TOX2: variants seen among roughly 807,000 people sequenced by gnomAD.
TOX2 encodes granulosa cell HMG box 1.
In TOX2, 15 loss-of-function variants were observed where a neutral mutation model predicts 47.4. The ratio of observed to expected loss-of-function variants is 0.32; its 90% CI spans 0.21 to 0.49. TOX2 has a LOEUF of 0.49. Ranked by LOEUF, TOX2 falls within the 20% of genes least tolerant of loss-of-function variation. The pLI is 0.99. For missense variants in TOX2, 622 were observed against 673.1 expected (o/e 0.92, Z 0.84); for synonymous variants, 290 against 296.6 (o/e 0.98, Z 0.23).
rs140659767 is a variant in TOX2 at position 43,923,856 on chromosome 20, C to T, written c.99+8866C>T. On this transcript the variant is annotated intron_variant, in intron 1 of 8. Transcript: ENST00000341197. ...GACACAGGAGGAAACGTGCTTGGGCCGGGGAGAAGCTGGCCTGGCCTGACC... is the reference window on the plus strand; with the variant it reads ...GACACAGGAGGAAACGTGCTTGGGCTGGGGAGAAGCTGGCCTGGCCTGACC... Among the ~76,000 whole-genome samples, 824 of 152,220 alleles carry T rather than the reference C, an allele frequency of 5.4e-3. 6 individuals are homozygous for T. Among genetic ancestry groups the T allele is most frequent in the Non-Finnish European group, 7.9e-3 (540 of 67,998 alleles).
At chr20:44,026,502 C>G (rs868245009) in intron 3 of TOX2, among the ~76,000 whole-genome samples, 170 of 151,568 alleles carry the variant, frequency 1.1e-3, no homozygotes, top group African/African-American at 3.8e-3. Context: ...AGATAAACAG[C>G]ATATTTTGAA....
At chr20:43,985,840 G>C (rs1411446351) in intron 2 of TOX2, among the ~76,000 whole-genome samples, 2 of 152,116 alleles carry the variant, frequency 1.3e-5, no homozygotes, top group African/African-American at 4.8e-5. Flanking sequence ...AGGGTGCTTA[G>C]AGCAGAGTGA....
At chr20:44,039,780 C>T (rs1416652160) in intron 3 of TOX2, among the ~76,000 whole-genome samples, 5 of 152,152 alleles carry the variant, frequency 3.3e-5, no homozygotes, top group Admixed American at 6.5e-5. Context: ...GAGAGGAAGT[C>T]GAGGTTTCAT....
At chr20:43,964,108 A>C (rs373968989) in intron 1 of TOX2, among the ~76,000 whole-genome samples, 5 of 152,058 alleles carry the variant, frequency 3.3e-5, no homozygotes, top group East Asian at 3.8e-4. Flanking sequence ...AAAAAAAAAA[A>C]AACCAACAGC....
At chr20:44,067,217 A>G (rs751722359) in intron 8 of TOX2, among the ~76,000 whole-genome samples, 4 of 150,970 alleles carry the variant, frequency 2.6e-5, no homozygotes, top group Non-Finnish European at 5.9e-5. Flanking sequence ...GCCTTTGGGG[A>G]TGCACTGGGG....
At position 44,069,100 on chromosome 20, in the gene TOX2, A is replaced by G. The variant is rs946202192; in HGVS notation, c.*414A>G. ...GCCGGCCCCCGGCATAGATGTGCACATCGGTTTTCCAGTGTGAACAAAAGA... is the reference window on the plus strand; with the variant it reads ...GCCGGCCCCCGGCATAGATGTGCACGTCGGTTTTCCAGTGTGAACAAAAGA... On this transcript the variant is annotated 3_prime_UTR_variant, in exon 9 of 9. Transcript: ENST00000341197. 1.4e-5 allele frequency: 5 copies of G among 368,908 alleles called. No homozygotes were observed. Among genetic ancestry groups the G allele is most frequent in the African/African-American group, 4.2e-5 (2 of 47,326 alleles). The allele number at this position is 368,908 out of a possible 1,614,324, so 22.9% of individuals were successfully genotyped here.
At chr20:44,064,195 C>A (rs546211120) in intron 5 of TOX2, among the ~76,000 whole-genome samples, 137 of 152,292 alleles carry the variant, frequency 9.0e-4, no homozygotes, top group Non-Finnish European at 1.1e-3. Flanking sequence ...TCTCTGCATG[C>A]ATCACATTTG....
intron 1 of TOX2, among the ~76,000 whole-genome samples, chr20:43,958,042 C>T (rs1449400565): frequency 6.6e-6 from 1 of 152,216 alleles, no homozygotes; most frequent in African/African-American, 2.4e-5. Flanking sequence ...AGAGCTAAAT[C>T]ATATCAGCCT....
intron 3 of TOX2, among the ~76,000 whole-genome samples, chr20:44,018,794 C>T (rs552893437): frequency 4.6e-5 from 7 of 152,282 alleles, no homozygotes; most frequent in South Asian, 2.1e-4. Flanking sequence ...AGGACAAGCG[C>T]GCCCCATCAG....
intron 8 of TOX2, among the ~76,000 whole-genome samples, chr20:44,067,957 A>T (rs1350260341): frequency 2.6e-5 from 4 of 152,268 alleles, no homozygotes; most frequent in African/African-American, 9.6e-5. Context: ...CCCCAGCCCT[A>T]GCCTCGGCCT....
intron 1 of TOX2, among the ~76,000 whole-genome samples, chr20:43,964,655 T>A (rs1233310097): frequency 6.6e-6 from 1 of 152,152 alleles, no homozygotes; most frequent in Non-Finnish European, 1.5e-5. Context: ...GTACCTGGGA[T>A]CAAGGCCAAG....
chr20:43,976,782 G>GCA (rs11086916), intron 2 of TOX2, among the ~76,000 whole-genome samples: 12,751 of 146,456 alleles, frequency 0.087, 686 homozygotes, highest in African/African-American at 0.17. Context: ...GAGCGCGCGC[G>GCA]CACACACACA....
At chr20:43,950,015 C>G (rs1195339783) in intron 1 of TOX2, among the ~76,000 whole-genome samples, 1 of 125,166 alleles carries the variant, frequency 8.0e-6, no homozygotes, top group African/African-American at 3.1e-5. Flanking sequence ...TGACCTTGGA[C>G]AAGCCACCTA....
At chr20:43,932,324 A>T (rs2069262129) in intron 1 of TOX2, among the ~76,000 whole-genome samples, 1 of 152,120 alleles carries the variant, frequency 6.6e-6, no homozygotes, top group African/African-American at 2.4e-5. Flanking sequence ...AGGGTCTAGC[A>T]TGTGGACCCT....
In TOX2 at chr20:44,054,352, G is replaced by A. The variant is rs766856606; in HGVS notation, c.705G>A (p.Pro235=). 2.5e-5 allele frequency: 41 copies of A among 1,611,660 alleles called. 1 individual carries two copies. Among genetic ancestry groups the A allele is most frequent in the South Asian group, 1.1e-4 (10 of 90,820 alleles). ...ACCCAGGAAAAAAGGCCAAGAACCCGAAGAAGAAGAAAAAGAAGGACCCCA... is the reference window on the plus strand; with the variant it reads ...ACCCAGGAAAAAAGGCCAAGAACCCAAAGAAGAAGAAAAAGAAGGACCCCA... ...SADPGKKAKN[P]KKKKKKDPNE... is the part of the protein sequence containing the mutation. Residue 235 remains proline, a synonymous_variant, in exon 5 of 9, where the codon CCG becomes CCA. Coordinates refer to ENST00000341197, the MANE Select transcript of TOX2 (RefSeq NM_001098797.2).
At chr20:43,951,030 G>A (rs570730535) in intron 1 of TOX2, among the ~76,000 whole-genome samples, 24 of 152,166 alleles carry the variant, frequency 1.6e-4, no homozygotes, top group African/African-American at 4.3e-4. Flanking sequence ...ATGGGCTCAC[G>A]TAGTCATTAA....
At chr20:44,000,303 G>T (rs544139123) in intron 2 of TOX2, among the ~76,000 whole-genome samples, 1 of 152,310 alleles carries the variant, frequency 6.6e-6, no homozygotes, top group African/African-American at 2.4e-5. Flanking sequence ...GGAGACTGCT[G>T]CAGTCATCCA....
At chr20:44,066,249 C>T (rs951383321) in intron 7 of TOX2, 142 bp downstream of exon 7, 3 of 933,050 alleles carry the variant, frequency 3.2e-6, no homozygotes, top group Non-Finnish European at 4.6e-6. Context: ...TCAGTTACCA[C>T]ATCTAGGAAG....
At chr20:43,965,589 T>C (rs925185333) in intron 1 of TOX2, among the ~76,000 whole-genome samples, 10 of 152,206 alleles carry the variant, frequency 6.6e-5, no homozygotes, top group Non-Finnish European at 7.3e-5. Context: ...TCTATTTGCA[T>C]AGATTTCCCA....
Sources: allele counts gnomAD v4.1 joint callset (sites outside exome capture counted in the v4.1 genomes callset), GRCh38; gene constraint gnomAD v4.1.1; transcripts MANE v1.5; gene names NCBI Gene and HGNC (gene_info 2026-07-23, HGNC 2026-07-21).